SNCAIP: variants seen among roughly 807,000 people sequenced by gnomAD.
SNCAIP encodes synphilin-1.
In SNCAIP, 43 loss-of-function variants were observed where a neutral mutation model predicts 86.7. That is an observed-to-expected ratio of 0.50 (90% CI 0.39 to 0.64). SNCAIP has a LOEUF of 0.64. Ranked by LOEUF, SNCAIP falls within the 30% of genes least tolerant of loss-of-function variation. The probability of loss-of-function intolerance (pLI) is 0.00; values close to 1 mark genes in which losing one functional copy is unlikely to be tolerated. For synonymous variants in SNCAIP, 417 were observed against 427.2 expected, an observed-to-expected ratio of 0.98 and a Z score of 0.29; for missense variants, 981 against 1,103.1, an observed-to-expected ratio of 0.89 and a Z score of 1.57.
intron 6 of SNCAIP, 28 bp downstream of exon 6, chr5:122,432,110 C>T (rs200584852): frequency 1.1e-6 from 1 of 895,118 alleles, no homozygotes; most frequent in African/African-American, 1.6e-5. Context: ...AAGTATCTTC[C>T]CTTTGTGTAC....
intron 3 of SNCAIP, among the ~76,000 whole-genome samples, chr5:122,406,469 CTG>C (rs1372748038): frequency 2.0e-5 from 3 of 152,148 alleles, no homozygotes; most frequent in African/African-American, 7.2e-5. Context: ...GTTTGGATCT[CTG>C]TTCCCATCCA....
chr5:122,385,217 C>T (rs948721509), intron 1 of SNCAIP, among the ~76,000 whole-genome samples: 1 of 152,218 alleles, frequency 6.6e-6, no homozygotes, highest in African/African-American at 2.4e-5. Context: ...GTACCATATA[C>T]TCCATCTTGG....
intron 1 of SNCAIP, among the ~76,000 whole-genome samples, chr5:122,324,912 G>T (rs962926355): frequency 5.9e-5 from 9 of 152,132 alleles, no homozygotes; most frequent in Admixed American, 3.3e-4. Context: ...CAAAACACCT[G>T]ACAGCATAGA....
intron 3 of SNCAIP, among the ~76,000 whole-genome samples, chr5:122,420,030 A>G (rs1776066287): frequency 6.6e-6 from 1 of 152,176 alleles, no homozygotes; most frequent in Admixed American, 6.5e-5. Context: ...GAGACTTTTA[A>G]TGAAAACCTG....
At chr5:122,383,808 C>G (rs1424218444) in intron 1 of SNCAIP, among the ~76,000 whole-genome samples, 1 of 152,172 alleles carries the variant, frequency 6.6e-6, no homozygotes, top group African/African-American at 2.4e-5. Flanking sequence ...ATCAAGTTTT[C>G]TAAAACAGTG....
intron 1 of SNCAIP, among the ~76,000 whole-genome samples, chr5:122,359,047 A>AAATG (rs10628152): frequency 2.0e-5 from 3 of 151,912 alleles, no homozygotes; most frequent in Non-Finnish European, 4.4e-5. Context: ...TGGAGCCTTT[A>AAATG]TACTTTATAT....
chr5:122,352,268 G>A (rs374818349), intron 1 of SNCAIP, among the ~76,000 whole-genome samples: 9 of 152,104 alleles, frequency 5.9e-5, no homozygotes, highest in African/African-American at 7.2e-5. Flanking sequence ...AAAGTTTCCC[G>A]TGATTTTTAA....
rs1204176259 is a variant in SNCAIP, at chr5:122,450,918, A to G, written c.2071A>G (p.Thr691Ala). The G allele has an allele frequency of 1.2e-6, 2 of 1,613,906 alleles. No individual in the cohort carries two copies. Among genetic ancestry groups the G allele is most frequent in the East Asian group, 2.2e-5 (1 of 44,884 alleles). The change falls in exon 10 of 11, where the codon ACC becomes GCC. Residue 691 changes from threonine to alanine, a missense_variant. By Grantham distance (58) the Thr-to-Ala change is moderately conservative. Coordinates refer to ENST00000261368, the MANE Select transcript of SNCAIP (RefSeq NM_005460.4). ...CAACAACTCTGAGGACCCCAAGACT[A>G]CCCCAGTGAGGAAGGCTGACCGACC... ...DSNNSEDPKT[T>A]PVRKADRPRP...
chr5:122,457,727 C>T (rs1447213760), intron 10 of SNCAIP, among the ~76,000 whole-genome samples: 1 of 152,190 alleles, frequency 6.6e-6, no homozygotes, highest in African/African-American at 2.4e-5. Context: ...AGAAAGAAAA[C>T]CCTCATTTTA....
At chr5:122,369,169 T>C (rs1200392303) in intron 1 of SNCAIP, among the ~76,000 whole-genome samples, 2 of 152,186 alleles carry the variant, frequency 1.3e-5, no homozygotes, top group African/African-American at 4.8e-5. Flanking sequence ...TTAGAAGACA[T>C]TTATTTACAT....
chr5:122,450,172 C>T (rs958452605), intron 9 of SNCAIP, among the ~76,000 whole-genome samples: 3 of 152,134 alleles, frequency 2.0e-5, no homozygotes, highest in Admixed American at 6.5e-5. Flanking sequence ...AAGTCATTTA[C>T]TCTTTTGTAA....
chr5:122,456,566 A>G (rs1162925808), intron 10 of SNCAIP, among the ~76,000 whole-genome samples: 1 of 152,150 alleles, frequency 6.6e-6, no homozygotes, highest in East Asian at 1.9e-4. Flanking sequence ...CCTGCTCCCA[A>G]CCAGAGCATA....
At chr5:122,319,953 C>A (rs1752590037) in intron 1 of SNCAIP, among the ~76,000 whole-genome samples, 2 of 152,244 alleles carry the variant, frequency 1.3e-5, no homozygotes, top group Admixed American at 6.5e-5. Flanking sequence ...ACCACTACTT[C>A]ATGCTGCTTC....
chr5:122,373,095 C>A (rs995670716), intron 1 of SNCAIP, among the ~76,000 whole-genome samples: 1 of 152,160 alleles, frequency 6.6e-6, no homozygotes, highest in Non-Finnish European at 1.5e-5. Flanking sequence ...GGTGTACTTT[C>A]AACCTCTGGC....
At chr5:122,357,474 T>A (rs1761261166) in intron 1 of SNCAIP, among the ~76,000 whole-genome samples, 1 of 152,074 alleles carries the variant, frequency 6.6e-6, no homozygotes, top group Non-Finnish European at 1.5e-5. Context: ...GACCTCGTGA[T>A]CGGCCCGCCT....
intron 1 of SNCAIP, among the ~76,000 whole-genome samples, chr5:122,390,475 G>T (rs1561648642): frequency 1.3e-5 from 2 of 152,194 alleles, no homozygotes; most frequent in Admixed American, 6.5e-5. Context: ...AGGCAAAGCT[G>T]TTTGAGGCAG....
Position 122,351,536 on chromosome 5 carries a change from C to CAA in SNCAIP, c.-47+39281_-47+39282dup, listed in dbSNP as rs541191012. On this transcript the variant is annotated intron_variant, in intron 1 of 10. Transcript: ENST00000261368. ...TGGGCAACAGAGTGAGACTCTGTATCAAAAAAAAAAAAAAAAAAAAAAAAA... is the reference window on the plus strand; with the variant it reads ...TGGGCAACAGAGTGAGACTCTGTATCAAAAAAAAAAAAAAAAAAAAAAAAAAA... 8.8e-4 allele frequency among the ~76,000 whole-genome samples: 32 copies of CAA among 36,506 alleles called. 4 individuals carry two copies. The highest frequency in any genetic ancestry group is 3.7e-3 in the South Asian group (2 of 540). The allele number at this position is 36,506 out of a possible 152,430, so 23.9% of individuals were successfully genotyped here.
At chr5:122,331,210 T>C (rs548760898) in intron 1 of SNCAIP, among the ~76,000 whole-genome samples, 9 of 152,316 alleles carry the variant, frequency 5.9e-5, no homozygotes, top group Admixed American at 2.0e-4. Flanking sequence ...GGCCCAGGGA[T>C]TGGGGACCCC....
chr5:122,453,694 A>G (rs1380781197), intron 10 of SNCAIP, among the ~76,000 whole-genome samples: 2 of 152,158 alleles, frequency 1.3e-5, no homozygotes, highest in Non-Finnish European at 2.9e-5. Flanking sequence ...GGATGAAACC[A>G]GTATGCCTTA....
Sources: allele counts gnomAD v4.1 joint callset (sites outside exome capture counted in the v4.1 genomes callset), GRCh38; gene constraint gnomAD v4.1.1; transcripts MANE v1.5; gene names NCBI Gene and HGNC (gene_info 2026-07-23, HGNC 2026-07-21).